RBBP4: variants seen among roughly 807,000 people sequenced by gnomAD.
RBBP4 encodes the protein histone-binding protein RBBP4.
Under a neutral mutation model 57.2 loss-of-function variants are expected in RBBP4, and 3 were observed. The observed-to-expected ratio is 0.05, with a 90% CI of 0.02 to 0.14. The LOEUF (loss-of-function observed/expected upper bound fraction) is 0.14. RBBP4 is among the 10% of genes least tolerant of loss of function. The pLI is 1.00. For synonymous variants in RBBP4, 151 were observed against 171.5 expected (o/e 0.88, Z 0.93); for missense variants, 107 against 520.6 (o/e 0.21, Z 7.73).
At position 32,672,712 on chromosome 1, in the gene RBBP4, C is replaced by T. The variant is rs758420793; in HGVS notation, c.1101+13C>T. 2.5e-6 allele frequency: 4 copies of T among 1,612,570 alleles called. No individual in the cohort carries two copies. In the South Asian group the frequency reaches 4.4e-5, roughly 18 times the overall value. ...ACCAGAGTTGTTGGTATGTTAAAAG[C>T]ATTGGACAGTACTGAAATAGTCTGT... is the stretch of plus-strand genomic sequence containing the variant. On this transcript the variant is annotated intron_variant, in intron 10 of 11. Transcript: ENST00000373493.
In RBBP4 at chr1:32,684,632, T is replaced by C. The variant is rs1028684950; in HGVS notation, c.*4927T>C. 2 of 473,806 alleles carry C rather than the reference T, an allele frequency of 4.2e-6. No individual in the cohort carries two copies. Among genetic ancestry groups the C allele is most frequent in the Non-Finnish European group, 7.5e-6 (2 of 266,654 alleles). The allele number at this position is 473,806 out of a possible 1,614,324, so 29.4% of individuals were successfully genotyped here. ...ACCACAGCTTGCTTTAATAGAATCC[T>C]GGGAGGGTGATTGGGACTTTTTAGT... On this transcript the variant is annotated 3_prime_UTR_variant, in exon 12 of 12. Transcript: ENST00000373493.
intron 3 of RBBP4, among the ~76,000 whole-genome samples, chr1:32,663,352 A>C (rs2148522291): frequency 6.6e-6 from 1 of 152,344 alleles, no homozygotes; most frequent in East Asian, 1.9e-4. Flanking sequence ...TAGGAAAGCA[A>C]GTTGATACTT....
Position 32,684,146 on chromosome 1 carries a change from C to A in RBBP4, c.*4441C>A. 1.9e-6 allele frequency: 3 copies of A among 1,607,038 alleles called. No individual in the cohort carries two copies. Among genetic ancestry groups the A allele is most frequent in the East Asian group, 4.5e-5 (2 of 44,806 alleles). On this transcript the variant is annotated 3_prime_UTR_variant, in exon 12 of 12. Coordinates refer to ENST00000373493, the MANE Select transcript of RBBP4 (RefSeq NM_005610.3). Reference sequence around the variant, plus strand: ...TTTTGGATAAGCACAATTTGAAAATCATTTCCCAAATCCTCTTTTTGTTTT... The same window carrying A: ...TTTTGGATAAGCACAATTTGAAAATAATTTCCCAAATCCTCTTTTTGTTTT...
In RBBP4 at chr1:32,669,610, G is replaced by T. The variant is rs1489958099; in HGVS notation, c.966+47G>T. ...ATTTTGTTTGTTTTAAGAAAAACCT[G>T]CTGGGCGCGGTCGCTCACGCCTGTA... is the stretch of plus-strand genomic sequence containing the variant. On this transcript the variant is annotated intron_variant, in intron 8 of 11. Transcript: ENST00000373493. This position sits in a 1 kb window ranked among gnomAD's most constrained non-coding sequence, Gnocchi z 4.9. 1.3e-6 allele frequency: 2 copies of T among 1,572,140 alleles called. No individual in the cohort carries two copies. Among genetic ancestry groups the T allele is most frequent in the African/African-American group, 2.7e-5 (2 of 72,764 alleles).
chr1:32,651,861 A>G (rs1647733807), intron 1 of RBBP4, 53 bp from the exon 2 acceptor site: 1 of 1,576,134 alleles, frequency 6.3e-7, no homozygotes, highest in Non-Finnish European at 8.6e-7. Context: ...TTTGCAGAGG[A>G]TTACTCGGTT....
At chr1:32,651,605 C>A in intron 1 of RBBP4, 1 of 884,914 alleles carries the variant, frequency 1.1e-6, no homozygotes, top group Non-Finnish European at 1.6e-6. Flanking sequence ...AGCGTGGGGA[C>A]ACCGCTTCCT....
chr1:32,679,540 A>G (rs1557862683), intron 11 of RBBP4, 100 bp from the exon 12 acceptor site: 3 of 1,077,150 alleles, frequency 2.8e-6, no homozygotes, highest in Non-Finnish European at 3.9e-6. Context: ...CAAAAGCTAT[A>G]AAGTATTTAC....
Position 32,685,094 on chromosome 1 carries a change from C to A in RBBP4, c.*5389C>A. ...CTTGTTCCTGGGCTCAAGCAGTCCT[C>A]CCGCCTCGGTCTCCCAAAGTGCTGG... On this transcript the variant is annotated 3_prime_UTR_variant, in exon 12 of 12. Transcript: ENST00000373493. 1 of 152,324 alleles carries A rather than the reference C, an allele frequency of 6.6e-6. No individual in the cohort carries two copies. The highest frequency in any genetic ancestry group is 2.1e-4 in the South Asian group (1 of 4,850). The allele number at this position is 152,324 out of a possible 1,614,324, so 9.4% of individuals were successfully genotyped here. A position where few individuals can be genotyped will look rare whatever the true frequency, so the allele number is the denominator to read the frequency against.
In RBBP4 at chr1:32,685,308, G is replaced by A. The variant is rs1267762720; in HGVS notation, c.*5603G>A. 1.3e-5 allele frequency: 2 copies of A among 152,178 alleles called. No homozygotes were observed. The highest frequency in any genetic ancestry group is 2.9e-5 in the Non-Finnish European group (2 of 68,034). 9.4% of individuals were successfully genotyped at this position (152,178 alleles called of 1,614,324 possible). ...TCTGTAAATTTTCCCTGCCTAGGAT[G>A]TATACCTGAGGAATAAGGTAAGGAA... On this transcript the variant is annotated 3_prime_UTR_variant, in exon 12 of 12. Coordinates refer to ENST00000373493, the MANE Select transcript of RBBP4 (RefSeq NM_005610.3).
intron 3 of RBBP4, among the ~76,000 whole-genome samples, chr1:32,665,703 A>T (rs1648616383): frequency 6.7e-6 from 1 of 149,604 alleles, no homozygotes; most frequent in Non-Finnish European, 1.5e-5. Flanking sequence ...AAAGCACTAT[A>T]TAGCAATGCA....
In RBBP4 at chr1:32,672,638, C is replaced by G; in HGVS notation, c.1044-4C>G. ...TAACTTTTAAAATTATGCTTTTGTA[C>G]TAGTAAAATTGGAGAGGAACAATCC... is the stretch of plus-strand genomic sequence containing the variant. On this transcript the variant is annotated splice_region_variant and splice_polypyrimidine_tract_variant and intron_variant, in intron 9 of 11. Transcript: ENST00000373493. 6.2e-7 allele frequency: 1 copy of G among 1,613,542 alleles called. No homozygotes were observed.
intron 11 of RBBP4, among the ~76,000 whole-genome samples, chr1:32,678,728 C>A (rs527261896): frequency 1.3e-5 from 2 of 151,366 alleles, no homozygotes; most frequent in African/African-American, 4.8e-5. Context: ...TAGCTGGGAC[C>A]ACAGGGGTGC....
At position 32,679,936 on chromosome 1, in the gene RBBP4, A is replaced by G; in HGVS notation, c.*231A>G. On this transcript the variant is annotated 3_prime_UTR_variant, in exon 12 of 12. Coordinates refer to ENST00000373493, the MANE Select transcript of RBBP4 (RefSeq NM_005610.3). Reference sequence around the variant, plus strand: ...AATTTTCTTCAGGAATTTTCTAGTAACCCAGGTCTAAAGTAGCTACAGAAA... The same window carrying G: ...AATTTTCTTCAGGAATTTTCTAGTAGCCCAGGTCTAAAGTAGCTACAGAAA... 1 of 1,295,144 alleles carries G rather than the reference A, an allele frequency of 7.7e-7. No homozygotes were observed. Among genetic ancestry groups the G allele is most frequent in the Non-Finnish European group, 9.8e-7 (1 of 1,024,544 alleles). 80.2% of individuals were successfully genotyped at this position (1,295,144 alleles called of 1,614,324 possible).
chr1:32,670,488 A>G (rs1206924130), intron 8 of RBBP4, among the ~76,000 whole-genome samples: 2 of 152,232 alleles, frequency 1.3e-5, no homozygotes, highest in Admixed American at 1.3e-4. Context: ...TCACTGCACT[A>G]TGTTCAAAGC....
rs1649444268 is a variant in RBBP4, at chr1:32,681,663, C to G, written c.*1958C>G. The G allele has an allele frequency of 2.6e-6, 2 of 780,122 alleles. No individual in the cohort carries two copies. Among genetic ancestry groups the G allele is most frequent in the African/African-American group, 1.7e-5 (1 of 57,288 alleles). The allele number at this position is 780,122 out of a possible 1,614,324, so 48.3% of individuals were successfully genotyped here. ...GAATCCAGCAAAGAGTTGACATGTT[C>G]TGCCTCCGGCCAACTCTAGAATCTT... On this transcript the variant is annotated 3_prime_UTR_variant, in exon 12 of 12. Coordinates refer to ENST00000373493, the MANE Select transcript of RBBP4 (RefSeq NM_005610.3).
rs760124363 is a variant in RBBP4, at chr1:32,669,143, T to G, written c.761+11T>G. The G allele has an allele frequency of 2.3e-5, 37 of 1,613,620 alleles. No individual in the cohort carries two copies. Among genetic ancestry groups the G allele is most frequent in the Non-Finnish European group, 3.1e-5 (36 of 1,179,746 alleles). On this transcript the variant is annotated intron_variant, in intron 6 of 11. Coordinates refer to ENST00000373493, the MANE Select transcript of RBBP4 (RefSeq NM_005610.3). The surrounding 1 kb of genome is among the most constrained non-coding windows in gnomAD (Gnocchi z 4.9). ...TCAGAAACTTATGATGTGAGTAGAA[T>G]CCATTCAGAGTTTCTAAATATCTTG...
chr1:32,679,515 A>G lies in RBBP4; in HGVS notation c.1213-125A>G, dbSNP rs930829510. On this transcript the variant is annotated intron_variant, in intron 11 of 11. Coordinates refer to ENST00000373493, the MANE Select transcript of RBBP4 (RefSeq NM_005610.3). ...CATCCAAGAGTTGAATAGTTGTAAC[A>G]CAGATTGTGTGGCCCAAAAGCTATA... 6.4e-6 allele frequency: 5 copies of G among 783,326 alleles called. No individual in the cohort carries two copies. The African/African-American group carries it at 9.0e-5, about 14-fold the overall frequency. 48.5% of individuals were successfully genotyped at this position (783,326 alleles called of 1,614,324 possible).
chr1:32,684,484 G>C lies in RBBP4; in HGVS notation c.*4779G>C. On this transcript the variant is annotated 3_prime_UTR_variant, in exon 12 of 12. Transcript: ENST00000373493. ...ACTTTTTTGTTCATTGTTTAATCTT[G>C]ATAGCAGTATTGAGGCTGGTATTTA... 6.5e-7 allele frequency: 1 copy of C among 1,532,744 alleles called. No individual in the cohort carries two copies. The highest frequency in any genetic ancestry group is 8.9e-7 in the Non-Finnish European group (1 of 1,126,606). 94.9% of individuals were successfully genotyped at this position (1,532,744 alleles called of 1,614,324 possible). A position where few individuals can be genotyped will look rare whatever the true frequency, so the allele number is the denominator to read the frequency against.
At chr1:32,662,031 C>G (rs1557854262) in intron 3 of RBBP4, among the ~76,000 whole-genome samples, 2 of 145,950 alleles carry the variant, frequency 1.4e-5, no homozygotes, top group African/African-American at 5.1e-5. Context: ...GACTACAGGT[C>G]TGTGCCACCA....
Sources: gnomAD v4.1 joint callset for allele counts (sites outside exome capture counted in the v4.1 genomes callset) on GRCh38, gnomAD v4.1.1 for gene constraint, Gnocchi (gnomAD v3.1) non-coding constraint, MANE v1.5 for transcripts, NCBI Gene and HGNC (gene_info 2026-07-23, HGNC 2026-07-21) for gene names.